Variants in FAT3 observed in about 807,000 individuals in gnomAD.
FAT3 encodes FAT atypical cadherin 3.
FAT3 carries 95 observed loss-of-function variants against 310.2 expected under a neutral mutation model. The observed-to-expected ratio is 0.31, with a 90% confidence interval of 0.26 to 0.36. The LOEUF is 0.36. Ranked by LOEUF, FAT3 falls within the 10% of genes least tolerant of loss-of-function variation. FAT3 has a pLI of 1.00. For missense variants in FAT3, 5,408 were observed against 5,715.6 expected (o/e 0.95, Z 1.74); for synonymous variants, 2,314 against 2,192.9 (o/e 1.06, Z -1.54).
chr11:92,503,977 A>G (rs1342838883), intron 2 of FAT3, among the ~76,000 whole-genome samples: 1 of 152,120 alleles, frequency 6.6e-6, no homozygotes, highest in Non-Finnish European at 1.5e-5. Context: ...TATGAATCAC[A>G]TTGTCCAAAT....
chr11:92,713,758 C>A (rs939957719), intron 4 of FAT3, among the ~76,000 whole-genome samples: 3 of 152,106 alleles, frequency 2.0e-5, no homozygotes, highest in Admixed American at 2.0e-4. Flanking sequence ...TTTGAAAATG[C>A]GTATTTTCCC....
intron 4 of FAT3, among the ~76,000 whole-genome samples, chr11:92,754,416 G>C (rs1430330398): frequency 6.6e-6 from 1 of 151,716 alleles, no homozygotes; most frequent in South Asian, 2.1e-4. Context: ...ACGAGGTCAG[G>C]AGATCGAGAC....
At chr11:92,283,426 TC>T (rs1946479459) in intron 1 of FAT3, among the ~76,000 whole-genome samples, 1 of 152,178 alleles carries the variant, frequency 6.6e-6, no homozygotes, top group African/African-American at 2.4e-5. Context: ...AGTTAGGTAA[TC>T]CTGGTTCTAT....
At chr11:92,339,490 G>T (rs915869574) in intron 1 of FAT3, among the ~76,000 whole-genome samples, 1 of 152,152 alleles carries the variant, frequency 6.6e-6, no homozygotes, top group African/African-American at 2.4e-5. Flanking sequence ...TTCTTCGTTC[G>T]GTTTATAGTC....
At chr11:92,264,818 C>T (rs903448973) in intron 1 of FAT3, among the ~76,000 whole-genome samples, 9 of 151,998 alleles carry the variant, frequency 5.9e-5, no homozygotes, top group East Asian at 1.9e-4. Context: ...TTCTTTAGGG[C>T]GGTCACAGTG....
At chr11:92,836,474 C>A in intron 15 of FAT3, 92 bp from the exon 16 acceptor site, 1 of 1,446,850 alleles carries the variant, frequency 6.9e-7, no homozygotes, top group South Asian at 1.4e-5. Flanking sequence ...ACTGTCACAG[C>A]TGCACCCATT....
chr11:92,227,732 T>A (rs536354187), intron 1 of FAT3, among the ~76,000 whole-genome samples: 1 of 148,336 alleles, frequency 6.7e-6, no homozygotes, highest in East Asian at 2.0e-4. Context: ...CAACTGCTTC[T>A]GCTTTTTTTC....
At chr11:92,553,188 C>G (rs1954881642) in intron 3 of FAT3, among the ~76,000 whole-genome samples, 1 of 152,116 alleles carries the variant, frequency 6.6e-6, no homozygotes, top group African/African-American at 2.4e-5. Context: ...AATTAATATT[C>G]CAGTTGTATT....
chr11:92,747,705 T>G (rs907082501), intron 4 of FAT3, among the ~76,000 whole-genome samples: 1 of 152,204 alleles, frequency 6.6e-6, no homozygotes, highest in Non-Finnish European at 1.5e-5. Flanking sequence ...AATTTCTTCT[T>G]CCAGATGCCC....
At chr11:92,567,522 C>A (rs1044809049) in intron 3 of FAT3, among the ~76,000 whole-genome samples, 3 of 150,302 alleles carry the variant, frequency 2.0e-5, no homozygotes, top group Non-Finnish European at 4.4e-5. Context: ...TTGACCCAGC[C>A]ATCCCATTAC....
chr11:92,235,197 C>G (rs1864367952), intron 1 of FAT3, among the ~76,000 whole-genome samples: 2 of 152,050 alleles, frequency 1.3e-5, no homozygotes, highest in South Asian at 4.2e-4. Context: ...AGAGAAGTTC[C>G]CCTCATCTCT....
chr11:92,231,827 A>G (rs925505168), intron 1 of FAT3, among the ~76,000 whole-genome samples: 1 of 151,670 alleles, frequency 6.6e-6, no homozygotes, highest in African/African-American at 2.4e-5. Context: ...TGTCAGATAA[A>G]TTCTATGTAA....
At chr11:92,839,841 T>C (rs1012185619) in intron 17 of FAT3, among the ~76,000 whole-genome samples, 2 of 152,186 alleles carry the variant, frequency 1.3e-5, no homozygotes, top group African/African-American at 2.4e-5. Context: ...AAGAAGGAGC[T>C]TTGCATTCCC....
At chr11:92,554,126 G>A (rs1954923115) in intron 3 of FAT3, among the ~76,000 whole-genome samples, 4 of 151,904 alleles carry the variant, frequency 2.6e-5, no homozygotes, top group Admixed American at 2.6e-4. Flanking sequence ...TTGTTATTGT[G>A]AGATGCAGGG....
At chr11:92,703,168 A>G (rs562255690) in intron 4 of FAT3, among the ~76,000 whole-genome samples, 1 of 152,232 alleles carries the variant, frequency 6.6e-6, no homozygotes, top group African/African-American at 2.4e-5. Context: ...TTTCTGAGGG[A>G]AAAAAATATT....
At chr11:92,562,653 CAGA>C (rs1439030894) in intron 3 of FAT3, among the ~76,000 whole-genome samples, 2 of 152,158 alleles carry the variant, frequency 1.3e-5, no homozygotes, top group African/African-American at 4.8e-5. Flanking sequence ...CAGTTAGAGT[CAGA>C]AGGCCTAAGA....
At chr11:92,369,615 C>T (rs1424787449) in intron 2 of FAT3, among the ~76,000 whole-genome samples, 1 of 151,990 alleles carries the variant, frequency 6.6e-6, no homozygotes, top group African/African-American at 2.4e-5. Context: ...ATCATGAGGT[C>T]AAGGCAGGCA....
intron 4 of FAT3, among the ~76,000 whole-genome samples, chr11:92,729,476 G>C (rs1329447962): frequency 6.6e-6 from 1 of 150,412 alleles, no homozygotes; most frequent in Admixed American, 6.6e-5. Context: ...ACCCAGGCTG[G>C]AGTGCAGTGG....
intron 2 of FAT3, among the ~76,000 whole-genome samples, chr11:92,402,254 G>C (rs1322905694): frequency 1.3e-5 from 2 of 152,168 alleles, no homozygotes; most frequent in East Asian, 3.8e-4. Context: ...AAAAAATATT[G>C]ATGAACTTGA....
Sources: allele counts gnomAD v4.1 joint callset (sites outside exome capture counted in the v4.1 genomes callset), GRCh38; gene constraint gnomAD v4.1.1; transcripts MANE v1.5; gene names NCBI Gene and HGNC (gene_info 2026-07-23, HGNC 2026-07-21).